The following SLC38A1 variants were observed in gnomAD, a reference collection of about 807,000 sequenced individuals.
SLC38A1 encodes the protein sodium-coupled neutral amino acid symporter 1.
A neutral mutation model predicts 60.3 loss-of-function variants in SLC38A1; 18 were observed. The observed-to-expected ratio is 0.30, with a 90% CI of 0.21 to 0.44. The LOEUF (loss-of-function observed/expected upper bound fraction) is 0.44, where lower values mean the gene tolerates loss of function less well. Ranked by LOEUF, SLC38A1 falls within the 20% of genes least tolerant of loss-of-function variation. SLC38A1 has a pLI of 1.00. For missense variants in SLC38A1, 448 were observed against 587.2 expected, an observed-to-expected ratio of 0.76 and a Z score of 2.45; for synonymous variants, 196 against 212.1, an observed-to-expected ratio of 0.92 and a Z score of 0.66.
chr12:46,249,513 C>T (rs148063269), intron 1 of SLC38A1, among the ~76,000 whole-genome samples: 2 of 151,868 alleles, frequency 1.3e-5, no homozygotes, highest in Non-Finnish European at 1.5e-5. Flanking sequence ...GATAGAGATA[C>T]AAAAAAACCC....
rs770088808 is a variant in SLC38A1 at position 46,204,417 on chromosome 12, C to A, written c.706G>T (p.Val236Phe). The A allele has an allele frequency of 6.2e-7, 1 of 1,606,746 alleles. No homozygotes were observed. The highest frequency in any genetic ancestry group is 8.5e-7 in the Non-Finnish European group (1 of 1,173,678). Residue 236 changes from valine (V) to phenylalanine (F), a missense_variant and splice_region_variant, in exon 11 of 17, where the codon GTT (valine) becomes TTT (phenylalanine). Coordinates refer to ENST00000398637, the MANE Select transcript of SLC38A1 (RefSeq NM_030674.4). The stretch of plus-strand genomic sequence containing the variant: ...GGAATTTGAAATTTCTTGTAAATAA[C>A]CTGGTATTAAGAAGTATAGTAGAAG... ...LSCMVFFLIV[V>F]IYKKFQIPCI...
Position 46,229,647 on chromosome 12 carries a change from G to C in SLC38A1, c.123-8C>G. On this transcript the variant is annotated splice_polypyrimidine_tract_variant and splice_region_variant and intron_variant, in intron 3 of 16. Coordinates refer to ENST00000398637, the MANE Select transcript of SLC38A1 (RefSeq NM_030674.4). Reference sequence around the variant, plus strand: ...CGATCAGAAATAAACTTGCTGTAAAGACATGCGTAATATATTTAACCTTAT... The same window carrying C: ...CGATCAGAAATAAACTTGCTGTAAACACATGCGTAATATATTTAACCTTAT... 6.2e-7 allele frequency: 1 copy of C among 1,608,730 alleles called. No individual in the cohort carries two copies. Among genetic ancestry groups the C allele is most frequent in the Non-Finnish European group, 8.5e-7 (1 of 1,175,756 alleles).
intron 9 of SLC38A1, 118 bp downstream of exon 9, chr12:46,205,962 T>A (rs1939878718): frequency 3.5e-6 from 2 of 579,544 alleles, no homozygotes; most frequent in Non-Finnish European, 6.1e-6. Flanking sequence ...CAATTTATCA[T>A]GTACTTAATC....
chr12:46,198,215 C>T (rs193210885), intron 14 of SLC38A1, among the ~76,000 whole-genome samples, 155 bp from the exon 15 acceptor site: 15 of 152,162 alleles, frequency 9.9e-5, no homozygotes, highest in Admixed American at 2.0e-4. Flanking sequence ...TTTGGAAGTA[C>T]GGGGGCTTGA....
intron 16 of SLC38A1, among the ~76,000 whole-genome samples, chr12:46,196,670 A>G (rs1389912923): frequency 6.6e-6 from 1 of 152,144 alleles, no homozygotes; most frequent in Non-Finnish European, 1.5e-5. Context: ...CCTCCTGCCT[A>G]CACCTCTCAT....
chr12:46,187,329 GA>G lies in SLC38A1; in HGVS notation c.*1640del, dbSNP rs933152300. ...TTAGATTCTACTTGTCTCTGGATAAGAAATCTGTGCTCAGTGAACTTATGTG... is the reference window on the plus strand; with the variant it reads ...TTAGATTCTACTTGTCTCTGGATAAGAATCTGTGCTCAGTGAACTTATGTG... On this transcript the variant is annotated 3_prime_UTR_variant, in exon 17 of 17. Coordinates refer to ENST00000398637, the MANE Select transcript of SLC38A1 (RefSeq NM_030674.4). 4 of 152,196 alleles carry G rather than the reference GA, an allele frequency of 2.6e-5. No homozygotes were observed. The highest frequency in any genetic ancestry group is 9.7e-5 in the African/African-American group (4 of 41,440). The allele number at this position is 152,196 out of a possible 1,614,324, so 9.4% of individuals were successfully genotyped here. A position where few individuals can be genotyped will look rare whatever the true frequency, so the allele number is the denominator to read the frequency against.
chr12:46,218,875 G>T (rs1406366556), intron 5 of SLC38A1, among the ~76,000 whole-genome samples: 2 of 152,024 alleles, frequency 1.3e-5, no homozygotes, highest in Non-Finnish European at 2.9e-5. Flanking sequence ...TCTGTTCCTG[G>T]GTGCAATGGC....
Position 46,203,018 on chromosome 12 carries a change from C to G in SLC38A1, c.894G>C (p.Glu298Asp). Residue 298 changes from glutamate to aspartate, a missense_variant, in exon 12 of 17, where the codon GAG becomes GAC. Around this residue, in one of 2 missense-constraint regions of SLC38A1, gnomAD observed 346 missense variants for 497.5 expected, o/e 0.70. Coordinates refer to ENST00000398637, the MANE Select transcript of SLC38A1 (RefSeq NM_030674.4). ...TTAAACAAATTTCTTACTCTTTAAG[C>G]TCACTGTAAATTGGCAGGACTGACG... The part of the protein sequence containing the change: ...CHPSVLPIYS[E>D]LKDRSQKKMQ... The G allele has an allele frequency of 1.2e-6, 2 of 1,613,218 alleles. No homozygotes were observed. Among genetic ancestry groups the G allele is most frequent in the Non-Finnish European group, 8.5e-7 (1 of 1,179,322 alleles).
chr12:46,253,654 T>C (rs1452643564), intron 1 of SLC38A1, among the ~76,000 whole-genome samples: 4 of 152,198 alleles, frequency 2.6e-5, no homozygotes, highest in Non-Finnish European at 4.4e-5. Flanking sequence ...TTCTGTGACT[T>C]AGAATGCTTT....
At chr12:46,259,765 C>A (rs950225891) in intron 1 of SLC38A1, among the ~76,000 whole-genome samples, 8 of 152,126 alleles carry the variant, frequency 5.3e-5, no homozygotes, top group Non-Finnish European at 8.8e-5. Context: ...TCTGCTAGGA[C>A]CTTGTTTCTC....
intron 1 of SLC38A1, among the ~76,000 whole-genome samples, chr12:46,256,402 AT>A (rs1025006408): frequency 4.6e-5 from 7 of 152,102 alleles, no homozygotes; most frequent in African/African-American, 1.7e-4. Context: ...ATTAATTAAA[AT>A]TCTTTTATAT....
chr12:46,247,417 G>A (rs1941660651), intron 1 of SLC38A1, among the ~76,000 whole-genome samples: 1 of 152,168 alleles, frequency 6.6e-6, no homozygotes, highest in Admixed American at 6.5e-5. Context: ...ATTCGATCAA[G>A]TGGAAGAAAG....
rs919384866 is a variant in SLC38A1 at position 46,186,811 on chromosome 12, TA to T, written c.*2158del. On this transcript the variant is annotated 3_prime_UTR_variant, in exon 17 of 17. Coordinates refer to ENST00000398637, the MANE Select transcript of SLC38A1 (RefSeq NM_030674.4). ...AGGTTCTAAATTGACTTTGTGAGGG[TA>T]AAATGAATTGCTATAAAGTAACAAG... 2 of 152,102 alleles carry T rather than the reference TA, an allele frequency of 1.3e-5. No homozygotes were observed. Among genetic ancestry groups the T allele is most frequent in the Non-Finnish European group, 2.9e-5 (2 of 68,014 alleles). The allele number at this position is 152,102 out of a possible 1,614,324, so 9.4% of individuals were successfully genotyped here.
intron 16 of SLC38A1, among the ~76,000 whole-genome samples, chr12:46,192,403 T>C (rs2136867897): frequency 6.6e-6 from 1 of 152,328 alleles, no homozygotes; most frequent in East Asian, 1.9e-4. Flanking sequence ...TCTTTTTTTG[T>C]TGTGTCTCCA....
Position 46,268,996 on chromosome 12 carries a change from C to A in SLC38A1, c.-679G>T. 2.7e-6 allele frequency: 1 copy of A among 364,570 alleles called. No homozygotes were observed. Among genetic ancestry groups the A allele is most frequent in the South Asian group, 1.9e-5 (1 of 51,932 alleles). The allele number at this position is 364,570 out of a possible 1,614,324, so 22.6% of individuals were successfully genotyped here. On this transcript the variant is annotated 5_prime_UTR_variant, in exon 1 of 17. Transcript: ENST00000398637. This position sits in a 1 kb window ranked among gnomAD's most constrained non-coding sequence, Gnocchi z 4.4. ...CATTCCTCCCCGTCCCGCGCGCGGT[C>A]TCCTCCCCTCCTGTGCGCCCGCTCT...
chr12:46,224,057 T>G (rs1185933629), intron 5 of SLC38A1, among the ~76,000 whole-genome samples: 1 of 152,228 alleles, frequency 6.6e-6, no homozygotes, highest in African/African-American at 2.4e-5. Flanking sequence ...TTCTAATTCC[T>G]ACTTCTGCTA....
At chr12:46,217,574 G>C (rs1201191039) in intron 5 of SLC38A1, among the ~76,000 whole-genome samples, 1 of 152,174 alleles carries the variant, frequency 6.6e-6, no homozygotes, top group East Asian at 1.9e-4. Context: ...TTTTAGGGGA[G>C]AGTTGCATTT....
chr12:46,212,567 T>C (rs1205725906), intron 5 of SLC38A1, among the ~76,000 whole-genome samples: 2 of 152,182 alleles, frequency 1.3e-5, no homozygotes, highest in East Asian at 1.9e-4. Flanking sequence ...AGAGTTAGAA[T>C]TGCGAATAAT....
In SLC38A1 at chr12:46,188,097, AGAG is replaced by A. The variant is rs1386230453; in HGVS notation, c.*870_*872del. 1.3e-5 allele frequency: 2 copies of A among 152,184 alleles called. No individual in the cohort carries two copies. The highest frequency in any genetic ancestry group is 4.8e-5 in the African/African-American group (2 of 41,442). 9.4% of individuals were successfully genotyped at this position (152,184 alleles called of 1,614,324 possible). A position where few individuals can be genotyped will look rare whatever the true frequency, so the allele number is the denominator to read the frequency against. ...GGTAGGGTTGAAGGCTAAATGCATC[AGAG>A]GAGTATTTTCTTAGGCATTTTGGAC... On this transcript the variant is annotated 3_prime_UTR_variant, in exon 17 of 17. Coordinates refer to ENST00000398637, the MANE Select transcript of SLC38A1 (RefSeq NM_030674.4).
Sources: gnomAD v4.1 joint callset for allele counts (sites outside exome capture counted in the v4.1 genomes callset) on GRCh38, gnomAD v4.1.1 for gene constraint, gnomAD v4.1.1 regional missense constraint, Gnocchi (gnomAD v3.1) non-coding constraint, MANE v1.5 for transcripts, NCBI Gene and HGNC (gene_info 2026-07-23, HGNC 2026-07-21) for gene names.